ULK2: variants seen among roughly 807,000 people sequenced by gnomAD.
The protein encoded by ULK2 is unc-51 like autophagy activating kinase 2.
A neutral mutation model predicts 127.5 loss-of-function variants in ULK2; 76 were observed. The observed-to-expected ratio is 0.60, with a 90% CI of 0.50 to 0.72. The LOEUF is 0.72. ULK2 is among the 30% of genes least tolerant of loss of function. ULK2 has a pLI of 0.00. For missense variants in ULK2, 1,144 were observed against 1,295.9 expected, an observed-to-expected ratio of 0.88 and a Z score of 1.80; for synonymous variants, 452 against 461.9, an observed-to-expected ratio of 0.98 and a Z score of 0.28.
rs1308618713 is a variant in ULK2, at chr17:19,823,866, T to C, written c.924+1228A>G. On this transcript the variant is annotated intron_variant, in intron 12 of 26. Transcript: ENST00000395544. ...ATTTGCGGGGCTGTGTAAGAAAGGT[T>C]TGCTGCCAGTTTTGAGACTTGTCTG... Among the ~76,000 whole-genome samples the C allele has an allele frequency of 2.0e-5, 3 of 152,226 alleles. No homozygotes were observed. In the East Asian group the frequency reaches 5.8e-4, roughly 29 times the overall value.
At chr17:19,797,365 C>T (rs777479506) in intron 18 of ULK2, 31 bp downstream of exon 18, 1 of 1,588,138 alleles carries the variant, frequency 6.3e-7, no homozygotes, top group Non-Finnish European at 8.6e-7. Context: ...TATACCAGTT[C>T]CTGACCTACA....
rs2042378066 is a variant in ULK2 at position 19,867,442 on chromosome 17, G to A, written c.-25C>T. On this transcript the variant is annotated 5_prime_UTR_variant, in exon 1 of 27. Transcript: ENST00000395544. ...TGGCCGCGCCCCCGGGGCACACAGCGGACGGGCGGGCGGCGCAGTGCGGCG... is the reference window on the plus strand; with the variant it reads ...TGGCCGCGCCCCCGGGGCACACAGCAGACGGGCGGGCGGCGCAGTGCGGCG... 1.3e-5 allele frequency: 21 copies of A among 1,579,230 alleles called. No individual in the cohort carries two copies. The highest frequency in any genetic ancestry group is 1.8e-5 in the Non-Finnish European group (21 of 1,164,372).
At chr17:19,812,154 T>A (rs1160001008) in intron 13 of ULK2, among the ~76,000 whole-genome samples, 1 of 152,188 alleles carries the variant, frequency 6.6e-6, no homozygotes, top group African/African-American at 2.4e-5. Context: ...CAGTACCACA[T>A]ACCTTTCAGA....
chr17:19,865,776 T>C lies in ULK2; in HGVS notation c.143A>G (p.Lys48Arg). The C allele has an allele frequency of 1.3e-6, 2 of 1,563,982 alleles. No homozygotes were observed. Among genetic ancestry groups the C allele is most frequent in the Non-Finnish European group, 1.7e-6 (2 of 1,143,522 alleles). The change falls in exon 2 of 27, where the codon AAA becomes AGA. Residue 48 changes from lysine (K) to arginine (R), a missense_variant. This residue lies in a region of ULK2 where 231 missense variants were observed against 325.4 expected (regional missense o/e 0.71). Coordinates refer to ENST00000395544, the MANE Select transcript of ULK2 (RefSeq NM_014683.4). ...IKSINKKNLS[K>R]SQILLGKEIK... ...TTCCTTTCCAAGCAGTATTTGTGATTTTGACAAGTTCTTTTTATTAATACT... is the reference window on the plus strand; with the variant it reads ...TTCCTTTCCAAGCAGTATTTGTGATCTTGACAAGTTCTTTTTATTAATACT...
At chr17:19,818,695 G>A (rs770660002) in intron 12 of ULK2, among the ~76,000 whole-genome samples, 1 of 151,522 alleles carries the variant, frequency 6.6e-6, no homozygotes, top group Non-Finnish European at 1.5e-5. Context: ...CTTTTGTTAT[G>A]GCATTTTTTC....
At chr17:19,849,816 A>C in intron 3 of ULK2, 42 bp from the exon 4 acceptor site, 1 of 1,258,318 alleles carries the variant, frequency 7.9e-7, no homozygotes, top group Non-Finnish European at 1.1e-6. Flanking sequence ...AGAAAAATTA[A>C]ACACAAAATT....
intron 10 of ULK2, among the ~76,000 whole-genome samples, chr17:19,826,979 C>T (rs984432201): frequency 4.7e-5 from 7 of 150,502 alleles, no homozygotes; most frequent in African/African-American, 1.7e-4. Flanking sequence ...AAAGAAACTA[C>T]AAAAACAATA....
chr17:19,820,184 A>C (rs1335109151), intron 12 of ULK2, among the ~76,000 whole-genome samples: 1 of 151,574 alleles, frequency 6.6e-6, no homozygotes, highest in Non-Finnish European at 1.5e-5. Flanking sequence ...GAGTAGCTGG[A>C]ACTACAGGCG....
intron 3 of ULK2, among the ~76,000 whole-genome samples, chr17:19,854,688 G>T (rs2042085953): frequency 6.6e-6 from 1 of 152,092 alleles, no homozygotes; most frequent in Non-Finnish European, 1.5e-5. Flanking sequence ...CTAAGTACTA[G>T]ATGAAAACAT....
chr17:19,833,560 A>C (rs2041517798), intron 10 of ULK2, among the ~76,000 whole-genome samples: 3 of 152,188 alleles, frequency 2.0e-5, no homozygotes, highest in Middle Eastern at 3.4e-3. Context: ...AACACAAAAA[A>C]TTAGCTGGGC....
chr17:19,852,131 A>C (rs2066908212), intron 3 of ULK2, among the ~76,000 whole-genome samples: 1 of 151,690 alleles, frequency 6.6e-6, no homozygotes, highest in South Asian at 2.1e-4. Context: ...AGGCTGAGGC[A>C]GGAGAATGGC....
Position 19,773,674 on chromosome 17 carries a change from T to TC in ULK2, c.*2674dup, listed in dbSNP as rs1388689333. On this transcript the variant is annotated 3_prime_UTR_variant, in exon 27 of 27. Coordinates refer to ENST00000395544, the MANE Select transcript of ULK2 (RefSeq NM_014683.4). ...GAGCTGGAGGGAGGGATGGATGCTA[T>TC]CCTTCTCTGGACTGAAGCAGTTACA... 10 of 152,236 alleles carry TC rather than the reference T, an allele frequency of 6.6e-5. No homozygotes were observed. Among genetic ancestry groups the TC allele is most frequent in the African/African-American group, 2.4e-4 (10 of 41,444 alleles). The allele number at this position is 152,236 out of a possible 1,614,324, so 9.4% of individuals were successfully genotyped here. A position where few individuals can be genotyped will look rare whatever the true frequency, so the allele number is the denominator to read the frequency against.
intron 21 of ULK2, 151 bp from the exon 22 acceptor site, chr17:19,784,056 TTAA>T: frequency 2.0e-6 from 1 of 510,426 alleles, no homozygotes; most frequent in South Asian, 1.0e-4. Context: ...TTTGAGGATA[TTAA>T]TAGTTTTTAC....
At chr17:19,838,784 T>C (rs2041661685) in intron 9 of ULK2, among the ~76,000 whole-genome samples, 1 of 151,786 alleles carries the variant, frequency 6.6e-6, no homozygotes, top group South Asian at 2.1e-4. Flanking sequence ...TCCCAGCACT[T>C]TGGGAGGCCG....
intron 14 of ULK2, among the ~76,000 whole-genome samples, chr17:19,805,302 T>A (rs183934088): frequency 6.6e-6 from 1 of 152,224 alleles, no homozygotes; most frequent in African/African-American, 2.4e-5. Flanking sequence ...TTGCACAAAC[T>A]CTCAAAGCAT....
chr17:19,823,710 G>T (rs2152392306), intron 12 of ULK2, among the ~76,000 whole-genome samples: 1 of 152,272 alleles, frequency 6.6e-6, no homozygotes, highest in East Asian at 1.9e-4. Context: ...TAACTGACCG[G>T]CCCAAAGTCA....
chr17:19,821,568 G>A (rs1376705920), intron 12 of ULK2, among the ~76,000 whole-genome samples: 1 of 152,098 alleles, frequency 6.6e-6, no homozygotes, highest in African/African-American at 2.4e-5. Flanking sequence ...AGAAGGGGAA[G>A]CATGTATGAA....
chr17:19,850,992 AAC>A (rs1428973750), intron 3 of ULK2, among the ~76,000 whole-genome samples: 1 of 151,918 alleles, frequency 6.6e-6, no homozygotes, highest in East Asian at 2.0e-4. Flanking sequence ...TAGCCTAGGC[AAC>A]ACACGGAGAA....
Position 19,797,686 on chromosome 17 carries a change from A to ACC in ULK2, c.1523-5_1523-4insGG. ...TGAGCTTGTGGCACTGGAGAACCTAACAAGAAAACAAATGTAACATTAACC... is the reference window on the plus strand; with the variant it reads ...TGAGCTTGTGGCACTGGAGAACCTAACCCAAGAAAACAAATGTAACATTAACC... On this transcript the variant is annotated splice_region_variant and splice_polypyrimidine_tract_variant and intron_variant, in intron 17 of 26. Coordinates refer to ENST00000395544, the MANE Select transcript of ULK2 (RefSeq NM_014683.4). 1 of 1,488,992 alleles carries ACC rather than the reference A, an allele frequency of 6.7e-7. No homozygotes were observed. Among genetic ancestry groups the ACC allele is most frequent in the Non-Finnish European group, 8.9e-7 (1 of 1,118,742 alleles). The allele number at this position is 1,488,992 out of a possible 1,614,324, so 92.2% of individuals were successfully genotyped here.
Sources: gnomAD v4.1 joint callset for allele counts (sites outside exome capture counted in the v4.1 genomes callset) on GRCh38, gnomAD v4.1.1 for gene constraint, gnomAD v4.1.1 regional missense constraint, MANE v1.5 for transcripts, NCBI Gene and HGNC (gene_info 2026-07-23, HGNC 2026-07-21) for gene names.